SGCD: variants seen among roughly 807,000 people sequenced by gnomAD.
The protein encoded by SGCD is sarcoglycan delta, also known as delta-sarcoglycan.
A neutral mutation model predicts 36.6 loss-of-function variants in SGCD; 18 were observed. The ratio of observed to expected loss-of-function variants is 0.49; its 90% CI spans 0.34 to 0.73. The LOEUF is 0.73. Ranked by LOEUF, SGCD falls within the 30% of genes least tolerant of loss-of-function variation. The pLI is 0.01. For synonymous variants in SGCD, 133 were observed against 130.6 expected (o/e 1.02, Z -0.12); for missense variants, 387 against 346.7 (o/e 1.12, Z -0.92).
chr5:155,737,185 G>A, the SGCD span, among the ~76,000 whole-genome samples: 1 of 152,144 alleles, frequency 6.6e-6, no homozygotes, highest in Non-Finnish European at 1.5e-5. Context: ...AGAGCTTGGA[G>A]AATATCTTCT....
At chr5:156,262,965 A>G (rs1003511902) in intron 3 of SGCD, among the ~76,000 whole-genome samples, 2 of 151,996 alleles carry the variant, frequency 1.3e-5, no homozygotes, top group Non-Finnish European at 2.9e-5. Flanking sequence ...ACACACATAT[A>G]TATACACTAC....
At position 156,369,077 on chromosome 5, in the gene SGCD, GTGTC is replaced by G. The variant is rs553824837; in HGVS notation, c.192+24404_192+24407del. Among the ~76,000 whole-genome samples, 20 of 152,284 alleles carry G rather than the reference GTGTC, an allele frequency of 1.3e-4. No homozygotes were observed. In the South Asian group the frequency reaches 3.9e-3, roughly 30 times the overall value. On this transcript the variant is annotated intron_variant, in intron 3 of 8. Transcript: ENST00000337851. ...TTCTCTGCAGCTCTGAGATCTATAA[GTGTC>G]TGTGGAAGCCTGTGTGTATGAGACA...
In SGCD at chr5:156,759,439, C is replaced by T. The variant is rs1757457578; in HGVS notation, c.*49C>T. On this transcript the variant is annotated 3_prime_UTR_variant, in exon 9 of 9. Coordinates refer to ENST00000337851, the MANE Select transcript of SGCD (RefSeq NM_000337.6). Reference sequence around the variant, plus strand: ...TTGGCAGCATAAAGGCCTTTTTTGGCTTTAGACACTGGCTGCCAGCTATTT... The same window carrying T: ...TTGGCAGCATAAAGGCCTTTTTTGGTTTTAGACACTGGCTGCCAGCTATTT... 6 of 1,351,940 alleles carry T rather than the reference C, an allele frequency of 4.4e-6. No homozygotes were observed. The highest frequency in any genetic ancestry group is 2.8e-5 in the South Asian group (2 of 72,118). 83.7% of individuals were successfully genotyped at this position (1,351,940 alleles called of 1,614,324 possible).
rs60893052 is a variant in SGCD, at chr5:156,269,469, C to CAAAAAAA, written c.-43-60030_-43-60024dup. Among the ~76,000 whole-genome samples, 11 of 30,474 alleles carry CAAAAAAA rather than the reference C, an allele frequency of 3.6e-4. 1 individual carries two copies. Among genetic ancestry groups the CAAAAAAA allele is most frequent in the African/African-American group, 8.1e-4 (7 of 8,606 alleles). 20.0% of individuals were successfully genotyped at this position (30,474 alleles called of 152,430 possible). A position where few individuals can be genotyped will look rare whatever the true frequency, so the allele number is the denominator to read the frequency against. On this transcript the variant is annotated intron_variant, in intron 3 of 9. Coordinates refer to the SGCD transcript ENST00000517913. Reference sequence around the variant, plus strand: ...TAGGGGACAGAGTGAGACTCCGTCTCAAAAAAAAAAAAAAAAAAAAAAAAA... The same window carrying CAAAAAAA: ...TAGGGGACAGAGTGAGACTCCGTCTCAAAAAAAAAAAAAAAAAAAAAAAAAAAAAAAA...
At chr5:156,669,627 G>T (rs749466304) in intron 7 of SGCD, among the ~76,000 whole-genome samples, 1 of 152,198 alleles carries the variant, frequency 6.6e-6, no homozygotes, top group Non-Finnish European at 1.5e-5. Flanking sequence ...AGGGTATTAT[G>T]CCAGTCATAA....
At chr5:156,387,174 A>G (rs1771320696) in intron 3 of SGCD, among the ~76,000 whole-genome samples, 1 of 152,210 alleles carries the variant, frequency 6.6e-6, no homozygotes, top group African/African-American at 2.4e-5. Context: ...ACAGAAGCAC[A>G]TGAGCCTCAT....
At chr5:156,513,346 G>A (rs1003393959) in intron 4 of SGCD, among the ~76,000 whole-genome samples, 6 of 152,106 alleles carry the variant, frequency 3.9e-5, no homozygotes, top group Non-Finnish European at 8.8e-5. Context: ...CTCACATGTA[G>A]TTTTTAGCAC....
chr5:156,277,109 G>T (rs908941198), intron 3 of SGCD, among the ~76,000 whole-genome samples: 1 of 152,152 alleles, frequency 6.6e-6, no homozygotes, highest in African/African-American at 2.4e-5. Context: ...CTAATTCCAA[G>T]ATTTAATATC....
intron 4 of SGCD, among the ~76,000 whole-genome samples, chr5:156,545,182 T>A (rs900937033): frequency 3.3e-5 from 5 of 152,210 alleles, no homozygotes; most frequent in Non-Finnish European, 1.5e-5. Context: ...GACTTGTATG[T>A]GTTTTCACTT....
chr5:156,314,878 T>C lies in SGCD; in HGVS notation c.-43-14656T>C, dbSNP rs143379082. 2.0e-3 allele frequency among the ~76,000 whole-genome samples: 310 copies of C among 152,062 alleles called. 2 individuals carry two copies. Among genetic ancestry groups the C allele is most frequent in the African/African-American group, 7.1e-3 (294 of 41,526 alleles). Reference sequence around the variant, plus strand: ...TAATTCATATTAGTAAGACTACGGATTTTTTTCAGTTACATTACTTTTTCC... The same window carrying C: ...TAATTCATATTAGTAAGACTACGGACTTTTTTCAGTTACATTACTTTTTCC... On this transcript the variant is annotated intron_variant, in intron 3 of 9. Coordinates refer to the SGCD transcript ENST00000517913.
At chr5:156,150,924 T>TA (rs1216400560) in intron 3 of SGCD, among the ~76,000 whole-genome samples, 1 of 151,618 alleles carries the variant, frequency 6.6e-6, no homozygotes, top group Non-Finnish European at 1.5e-5. Flanking sequence ...GCCTGAAAGT[T>TA]AAAAACATCT....
At chr5:155,835,752 G>A in the SGCD span, among the ~76,000 whole-genome samples, 3 of 152,072 alleles carry the variant, frequency 2.0e-5, no homozygotes, top group African/African-American at 7.2e-5. Context: ...TTTACTAGCA[G>A]TTCTACTTTT....
chr5:155,947,416 A>T (rs978969364), intron 1 of SGCD, among the ~76,000 whole-genome samples: 9 of 151,874 alleles, frequency 5.9e-5, no homozygotes, highest in African/African-American at 2.2e-4. Flanking sequence ...CAGTTTTCCT[A>T]AAAAAAGATG....
intron 7 of SGCD, among the ~76,000 whole-genome samples, chr5:156,678,949 G>C (rs1187263554): frequency 1.3e-5 from 2 of 152,098 alleles, no homozygotes; most frequent in Non-Finnish European, 2.9e-5. Context: ...GCCATGTTGG[G>C]CAAATCAATG....
chr5:156,211,285 G>A (rs1475021513), intron 3 of SGCD, among the ~76,000 whole-genome samples: 4 of 152,122 alleles, frequency 2.6e-5, no homozygotes, highest in Non-Finnish European at 4.4e-5. Context: ...GAACAGACCA[G>A]TCTTAGAAGA....
chr5:156,569,721 A>G (rs1486967801), intron 4 of SGCD, among the ~76,000 whole-genome samples: 1 of 152,134 alleles, frequency 6.6e-6, no homozygotes, highest in Admixed American at 6.5e-5. Flanking sequence ...CTACTGTGTT[A>G]GGCAAGGAGG....
At chr5:156,033,832 A>G (rs1157868321) in intron 1 of SGCD, among the ~76,000 whole-genome samples, 1 of 152,196 alleles carries the variant, frequency 6.6e-6, no homozygotes, top group Non-Finnish European at 1.5e-5. Context: ...TGGAGTGAGC[A>G]TATGATGGGG....
intron 3 of SGCD, among the ~76,000 whole-genome samples, chr5:156,173,601 A>C (rs78651833): frequency 0.044 from 6,643 of 152,272 alleles, 330 homozygotes; most frequent in African/African-American, 0.12. Flanking sequence ...TACATAAGTT[A>C]TCATTTTTAC....
At chr5:155,917,007 A>G (rs1002448396) in intron 1 of SGCD, among the ~76,000 whole-genome samples, 1 of 152,124 alleles carries the variant, frequency 6.6e-6, no homozygotes, top group Non-Finnish European at 1.5e-5. Flanking sequence ...ATTTCTCCCT[A>G]TCTCGTTAAA....
Sources: allele counts gnomAD v4.1 joint callset (sites outside exome capture counted in the v4.1 genomes callset), GRCh38; gene constraint gnomAD v4.1.1; transcripts MANE v1.5; gene names NCBI Gene and HGNC (gene_info 2026-07-23, HGNC 2026-07-21).